NBAS: variants seen among roughly 807,000 people sequenced by gnomAD.
The protein encoded by NBAS is NBAS subunit of NRZ tethering complex.
Under a neutral mutation model 302.5 loss-of-function variants are expected in NBAS, and 219 were observed. The ratio of observed to expected loss-of-function variants is 0.72; its 90% CI spans 0.65 to 0.81. NBAS has a LOEUF of 0.81. NBAS is among the 30% of genes least tolerant of loss of function. The pLI is 0.00. For synonymous variants in NBAS, 1,118 were observed against 1,021.6 expected (o/e 1.09, Z -1.80); for missense variants, 2,932 against 2,841.6 (o/e 1.03, Z -0.72).
At chr2:15,385,090 T>C (rs1187197668) in intron 28 of NBAS, among the ~76,000 whole-genome samples, 3 of 152,270 alleles carry the variant, frequency 2.0e-5, no homozygotes, top group African/African-American at 7.2e-5. Context: ...CAATTACTCT[T>C]GTTCCACATG....
At chr2:15,212,056 A>G (rs950519281) in intron 48 of NBAS, among the ~76,000 whole-genome samples, 2 of 152,220 alleles carry the variant, frequency 1.3e-5, no homozygotes, top group Non-Finnish European at 2.9e-5. Context: ...TTAGGCAAAA[A>G]TCAGAGGCAA....
intron 21 of NBAS, among the ~76,000 whole-genome samples, chr2:15,459,449 C>T (rs1425795536): frequency 6.6e-6 from 1 of 151,638 alleles, no homozygotes; most frequent in South Asian, 2.1e-4. Flanking sequence ...TTATCCCTCA[C>T]TATACAGATC....
the NBAS span, among the ~76,000 whole-genome samples, chr2:14,913,585 A>G: frequency 1.5e-4 from 23 of 152,324 alleles, no homozygotes; most frequent in East Asian, 3.3e-3. Flanking sequence ...CCTGAGAGGT[A>G]TAGGAAGCCA....
chr2:14,989,507 G>C, the NBAS span, among the ~76,000 whole-genome samples: 1 of 151,898 alleles, frequency 6.6e-6, no homozygotes, highest in Non-Finnish European at 1.5e-5. Flanking sequence ...GCAGTGAGCT[G>C]AGATCGCAGC....
intron 16 of NBAS, among the ~76,000 whole-genome samples, chr2:15,468,783 T>C: frequency 6.6e-6 from 1 of 152,210 alleles, no homozygotes. Context: ...AACAGAAAGC[T>C]CAGGACTCAT....
chr2:14,829,386 T>C, the NBAS span, among the ~76,000 whole-genome samples: 37 of 152,318 alleles, frequency 2.4e-4, no homozygotes, highest in African/African-American at 8.2e-4. Context: ...AATCTTCTCC[T>C]GTATCTACTA....
At chr2:15,470,041 A>G (rs1679893384) in intron 16 of NBAS, among the ~76,000 whole-genome samples, 3 of 152,172 alleles carry the variant, frequency 2.0e-5, no homozygotes, top group South Asian at 4.1e-4. Flanking sequence ...CTCTTCCTAG[A>G]AAGAGCTATT....
intron 42 of NBAS, among the ~76,000 whole-genome samples, chr2:15,278,355 T>C (rs1249713832): frequency 5.3e-5 from 8 of 152,206 alleles, no homozygotes; most frequent in Non-Finnish European, 1.2e-4. Context: ...CCCCAGTCTA[T>C]AAAAATTTCT....
chr2:15,533,789 T>C lies in NBAS; in HGVS notation c.746+754A>G, dbSNP rs772379549. On this transcript the variant is annotated intron_variant, in intron 9 of 51. Coordinates refer to ENST00000281513, the MANE Select transcript of NBAS (RefSeq NM_015909.4). The stretch of plus-strand genomic sequence containing the variant: ...AACTAAACACAGACATATGACTGAA[T>C]AGAATACAAACCTGCATACATTTCC... Among the ~76,000 whole-genome samples the C allele has an allele frequency of 4.6e-5, 7 of 151,810 alleles. 1 individual carries two copies. The South Asian group carries it at 1.2e-3, about 27-fold the overall frequency.
At chr2:15,364,655 G>A (rs1186344586) in intron 32 of NBAS, among the ~76,000 whole-genome samples, 1 of 152,134 alleles carries the variant, frequency 6.6e-6, no homozygotes, top group Non-Finnish European at 1.5e-5. Flanking sequence ...AAAAGTACAA[G>A]GAGAAATCAC....
the NBAS span, among the ~76,000 whole-genome samples, chr2:14,783,389 A>G: frequency 1.3e-5 from 2 of 151,622 alleles, no homozygotes; most frequent in South Asian, 4.2e-4. Context: ...TTACATAAGT[A>G]TACATGTGCC....
At chr2:15,504,596 T>C (rs920767985) in intron 10 of NBAS, among the ~76,000 whole-genome samples, 14 of 152,206 alleles carry the variant, frequency 9.2e-5, no homozygotes, top group Non-Finnish European at 1.8e-4. Flanking sequence ...ATTGATTCTA[T>C]GCTTGAAAAA....
chr2:15,052,035 C>T, the NBAS span, among the ~76,000 whole-genome samples: 1 of 152,266 alleles, frequency 6.6e-6, no homozygotes, highest in East Asian at 1.9e-4. Flanking sequence ...ATGGACTTAT[C>T]TCATCTACCT....
At chr2:15,096,231 T>C in the NBAS span, among the ~76,000 whole-genome samples, 1 of 152,210 alleles carries the variant, frequency 6.6e-6, no homozygotes, top group African/African-American at 2.4e-5. Context: ...CTTTGCTTTT[T>C]CAAGACCAGC....
the NBAS span, among the ~76,000 whole-genome samples, chr2:15,006,307 A>C: frequency 6.6e-6 from 1 of 152,238 alleles, no homozygotes; most frequent in Non-Finnish European, 1.5e-5. Flanking sequence ...ATTCTCCGGA[A>C]GCCAGAAAAG....
At chr2:15,553,598 C>A in intron 4 of NBAS, 125 bp from the exon 5 acceptor site, 1 of 896,428 alleles carries the variant, frequency 1.1e-6, no homozygotes, top group Non-Finnish European at 1.8e-6. Flanking sequence ...CTTTAATTAT[C>A]CATCTTTTGA....
chr2:15,359,929 A>C (rs1171313450), intron 32 of NBAS, among the ~76,000 whole-genome samples: 1 of 152,188 alleles, frequency 6.6e-6, no homozygotes, highest in Non-Finnish European at 1.5e-5. Context: ...CACTCACACA[A>C]ACCTAGATGG....
chr2:14,846,938 C>T, the NBAS span, among the ~76,000 whole-genome samples: 1 of 151,870 alleles, frequency 6.6e-6, no homozygotes, highest in Non-Finnish European at 1.5e-5. Context: ...AAACAAATAG[C>T]AAAAAGGCAA....
intron 21 of NBAS, among the ~76,000 whole-genome samples, chr2:15,455,105 G>A (rs545719218): frequency 2.0e-5 from 3 of 152,106 alleles, no homozygotes; most frequent in South Asian, 2.1e-4. Context: ...GTTTCATCAC[G>A]TTGGCCAGGA....
Sources: allele counts gnomAD v4.1 joint callset (sites outside exome capture counted in the v4.1 genomes callset), GRCh38; gene constraint gnomAD v4.1.1; transcripts MANE v1.5; gene names NCBI Gene and HGNC (gene_info 2026-07-23, HGNC 2026-07-21).